The following VSX2 variants were observed in gnomAD, a reference collection of about 807,000 sequenced individuals.
VSX2 encodes visual system homeobox 2.
A neutral mutation model predicts 32.1 loss-of-function variants in VSX2; 28 were observed. That is an observed-to-expected ratio of 0.87 (90% CI 0.65 to 1.20). VSX2 has a LOEUF of 1.20. Ranked by LOEUF, VSX2 falls within the 50% of genes most tolerant of loss-of-function variation. The probability of loss-of-function intolerance (pLI) is 0.00; values close to 1 mark genes in which losing one functional copy is unlikely to be tolerated. For missense variants in VSX2, 506 were observed against 488.7 expected (o/e 1.04, Z -0.33); for synonymous variants, 243 against 214.1 (o/e 1.14, Z -1.18).
At position 74,261,221 on chromosome 14, in the gene VSX2, C is replaced by T; in HGVS notation, c.*302C>T. The stretch of plus-strand genomic sequence containing the variant: ...CCTTTGCAACGCTCACTGGTTTTGG[C>T]CACCCCTTGCTCTCTGTTCTCTTGC... On this transcript the variant is annotated 3_prime_UTR_variant, in exon 5 of 5. Coordinates refer to ENST00000261980, the MANE Select transcript of VSX2 (RefSeq NM_182894.3). 2 of 445,902 alleles carry T rather than the reference C, an allele frequency of 4.5e-6. No homozygotes were observed. The highest frequency in any genetic ancestry group is 3.7e-5 in the South Asian group (1 of 27,248). The allele number at this position is 445,902 out of a possible 1,614,324, so 27.6% of individuals were successfully genotyped here. A position where few individuals can be genotyped will look rare whatever the true frequency, so the allele number is the denominator to read the frequency against.
chr14:74,239,749 C>G lies in VSX2; in HGVS notation c.188C>G (p.Ala63Gly). ...LDGLAPGHLL[A>G]ARSVLSPAGV... ...GGCCTGGCCCCCGGGCACTTGCTGG[C>G]GGCGCGCTCAGTGCTCAGCCCCGCG... Residue 63 changes from alanine (A) to glycine (G), a missense_variant, in exon 1 of 5, where the codon GCG becomes GGG. Coordinates refer to ENST00000261980, the MANE Select transcript of VSX2 (RefSeq NM_182894.3). 3 of 1,550,118 alleles carry G rather than the reference C, an allele frequency of 1.9e-6. No individual in the cohort carries two copies. Among genetic ancestry groups the G allele is most frequent in the Non-Finnish European group, 2.6e-6 (3 of 1,147,390 alleles).
chr14:74,251,318 C>T (rs987468257), intron 3 of VSX2, among the ~76,000 whole-genome samples: 1 of 152,080 alleles, frequency 6.6e-6, no homozygotes, highest in Non-Finnish European at 1.5e-5. Flanking sequence ...GGCATGATGG[C>T]GGATGCCTGT....
In VSX2 at chr14:74,240,042, A is replaced by G. The variant is rs886721067; in HGVS notation, c.370+111A>G. 7.0e-6 allele frequency: 10 copies of G among 1,420,174 alleles called. No homozygotes were observed. The African/African-American group carries it at 1.3e-4, about 18-fold the overall frequency. The allele number at this position is 1,420,174 out of a possible 1,614,324, so 88.0% of individuals were successfully genotyped here. ...GCCTCCAGGCGGAAAAGTTCCTGCC[A>G]GGCCGGGGGTCGCCGCCTGGGCCTT... is the stretch of plus-strand genomic sequence containing the variant. On this transcript the variant is annotated intron_variant, in intron 1 of 4. Transcript: ENST00000261980.
At chr14:74,240,920 T>G (rs1441169708) in intron 1 of VSX2, among the ~76,000 whole-genome samples, 1 of 152,130 alleles carries the variant, frequency 6.6e-6, no homozygotes, top group East Asian at 1.9e-4. Flanking sequence ...TCGCTCTCCG[T>G]CGTCCCGGTC....
chr14:74,260,556 G>C lies in VSX2; in HGVS notation c.761-38G>C, dbSNP rs184429714. On this transcript the variant is annotated intron_variant, in intron 4 of 4. Coordinates refer to ENST00000261980, the MANE Select transcript of VSX2 (RefSeq NM_182894.3). ...TTTCAGTTCAAGATGGCTTTCCCAG[G>C]CGCTTTTCTAAACCCGAATACCAAC... is the stretch of plus-strand genomic sequence containing the variant. 146 of 1,560,202 alleles carry C rather than the reference G, an allele frequency of 9.4e-5. No homozygotes were observed. The African/African-American group carries it at 1.8e-3, about 20-fold the overall frequency.
intron 2 of VSX2, among the ~76,000 whole-genome samples, chr14:74,243,652 T>C (rs966966704): frequency 1.3e-5 from 2 of 152,116 alleles, no homozygotes; most frequent in African/African-American, 4.8e-5. Flanking sequence ...CAGCAGATCT[T>C]CAAAATTCTC....
intron 3 of VSX2, among the ~76,000 whole-genome samples, chr14:74,258,555 T>C (rs936381018): frequency 1.3e-5 from 2 of 152,180 alleles, no homozygotes; most frequent in East Asian, 1.9e-4. Flanking sequence ...CTTTAAGGAC[T>C]GTGAGGGGCG....
rs2079304431 is a variant in VSX2 at position 74,261,107 on chromosome 14, T to C, written c.*188T>C. 2 of 651,510 alleles carry C rather than the reference T, an allele frequency of 3.1e-6. No homozygotes were observed. Among genetic ancestry groups the C allele is most frequent in the Admixed American group, 2.8e-5 (1 of 35,354 alleles). The allele number at this position is 651,510 out of a possible 1,614,324, so 40.4% of individuals were successfully genotyped here. A position where few individuals can be genotyped will look rare whatever the true frequency, so the allele number is the denominator to read the frequency against. ...TCTGACTCTGGACCATGCTGAGACA[T>C]CCCTCATCTAGTCTTGACCTCTCCA... On this transcript the variant is annotated 3_prime_UTR_variant, in exon 5 of 5. Transcript: ENST00000261980.
At chr14:74,250,453 G>A (rs1299716218) in intron 3 of VSX2, among the ~76,000 whole-genome samples, 1 of 151,938 alleles carries the variant, frequency 6.6e-6, no homozygotes, top group Non-Finnish European at 1.5e-5. Context: ...AAACATTACA[G>A]AACTATGAAT....
chr14:74,254,181 G>A (rs748831040), intron 3 of VSX2, among the ~76,000 whole-genome samples: 3 of 150,998 alleles, frequency 2.0e-5, no homozygotes, highest in African/African-American at 4.9e-5. Flanking sequence ...AGGCCAAGGC[G>A]GGCAGATCAC....
At chr14:74,255,009 T>C (rs2079254644) in intron 3 of VSX2, among the ~76,000 whole-genome samples, 1 of 152,064 alleles carries the variant, frequency 6.6e-6, no homozygotes, top group Non-Finnish European at 1.5e-5. Context: ...CTCGATCTCC[T>C]GACCTTGTGA....
At chr14:74,250,501 G>C (rs2079221486) in intron 3 of VSX2, among the ~76,000 whole-genome samples, 1 of 152,112 alleles carries the variant, frequency 6.6e-6, no homozygotes. Flanking sequence ...ACCCCTCTTA[G>C]AAGTCTCGTG....
intron 3 of VSX2, among the ~76,000 whole-genome samples, chr14:74,254,784 A>AT (rs537753574): frequency 0.066 from 7,744 of 116,602 alleles, 1,278 homozygotes; most frequent in African/African-American, 0.16. Flanking sequence ...CGAAAAGTGG[A>AT]TTTTTTTTTT....
intron 3 of VSX2, among the ~76,000 whole-genome samples, chr14:74,254,952 T>C (rs889805983): frequency 2.6e-5 from 4 of 151,846 alleles, no homozygotes; most frequent in Admixed American, 2.6e-4. Context: ...GCTAATTTTT[T>C]TGTGTTTTTA....
rs2079303678 is a variant in VSX2, at chr14:74,261,024, T to A, written c.*105T>A. On this transcript the variant is annotated 3_prime_UTR_variant, in exon 5 of 5. Coordinates refer to ENST00000261980, the MANE Select transcript of VSX2 (RefSeq NM_182894.3). ...CAAGGCCCAGACCTGGCCTCTGCCA[T>A]CCTCCCTGTTCCCCACAGGTCCTCC... is the stretch of plus-strand genomic sequence containing the variant. The A allele has an allele frequency of 3.0e-6, 4 of 1,338,440 alleles. No homozygotes were observed. Among genetic ancestry groups the A allele is most frequent in the Non-Finnish European group, 4.1e-6 (4 of 968,712 alleles). The allele number at this position is 1,338,440 out of a possible 1,614,324, so 82.9% of individuals were successfully genotyped here.
intron 1 of VSX2, 32 bp from the exon 2 acceptor site, chr14:74,241,150 C>T: frequency 6.2e-7 from 1 of 1,609,340 alleles, no homozygotes; most frequent in Non-Finnish European, 8.5e-7. Context: ...GCGTCCCCCA[C>T]TCTGCCGCAT....
chr14:74,249,155 GATA>G (rs747660136), intron 3 of VSX2, among the ~76,000 whole-genome samples: 3 of 152,206 alleles, frequency 2.0e-5, no homozygotes, highest in Non-Finnish European at 4.4e-5. Context: ...TCATTTGTAA[GATA>G]ATAATATTTT....
At chr14:74,244,906 G>GAGAGAGAGAGAGAAAGAGAGAGAGAA (rs2079175421) in intron 2 of VSX2, among the ~76,000 whole-genome samples, 7 of 117,808 alleles carry the variant, frequency 5.9e-5, no homozygotes, top group Admixed American at 1.8e-4. Context: ...GTGTGTGTGT[G>GAGAGAGAGAGAGAAAGAGAGAGAGAA]TGTGTGTGTG....
At chr14:74,257,869 C>G (rs2079276874) in intron 3 of VSX2, among the ~76,000 whole-genome samples, 1 of 152,188 alleles carries the variant, frequency 6.6e-6, no homozygotes, top group Admixed American at 6.5e-5. Flanking sequence ...AGATAAATTA[C>G]CCAGGCGCTG....
Sources: allele counts gnomAD v4.1 joint callset (sites outside exome capture counted in the v4.1 genomes callset), GRCh38; gene constraint gnomAD v4.1.1; transcripts MANE v1.5; gene names NCBI Gene and HGNC (gene_info 2026-07-23, HGNC 2026-07-21).